The following TRHDE variants were observed in gnomAD, a reference collection of about 807,000 sequenced individuals.
TRHDE encodes thyrotropin-releasing hormone-degrading ectoenzyme.
In TRHDE, 72 loss-of-function variants were observed where a neutral mutation model predicts 125.7. The ratio of observed to expected loss-of-function variants is 0.57; its 90% CI spans 0.47 to 0.70. The LOEUF (loss-of-function observed/expected upper bound fraction) is 0.70. Among genes scored for constraint, TRHDE ranks in the 30% least tolerant of loss-of-function variants. The pLI is 0.00. For synonymous variants in TRHDE, 509 were observed against 509.1 expected (o/e 1.00, Z 0.00); for missense variants, 1,110 against 1,327.1 (o/e 0.84, Z 2.54).
At chr12:72,174,855 G>A (rs1469077186) in intron 2 of TRHDE, among the ~76,000 whole-genome samples, 1 of 152,110 alleles carries the variant, frequency 6.6e-6, no homozygotes, top group Non-Finnish European at 1.5e-5. Flanking sequence ...TAATATTACT[G>A]TATTTCCTTT....
At chr12:72,344,802 C>G (rs1340513535) in intron 2 of TRHDE, among the ~76,000 whole-genome samples, 1 of 152,016 alleles carries the variant, frequency 6.6e-6, no homozygotes, top group Non-Finnish European at 1.5e-5. Flanking sequence ...CCTGCCTGGT[C>G]AAGCATCATG....
chr12:72,552,375 G>A (rs772609159), intron 7 of TRHDE, among the ~76,000 whole-genome samples: 1 of 152,110 alleles, frequency 6.6e-6, no homozygotes. Context: ...GGATAAATTC[G>A]GTGAAGAGAG....
At position 72,380,217 on chromosome 12, in the gene TRHDE, G is replaced by A. The variant is rs114727867; in HGVS notation, c.1315+2096G>A. The stretch of plus-strand genomic sequence containing the variant: ...TATAAGCATTTACTGAGTGCCTACC[G>A]TGGACATTTTTCTATGAGAAGCAGA... On this transcript the variant is annotated intron_variant, in intron 3 of 18. Transcript: ENST00000261180. Among the ~76,000 whole-genome samples, 486 of 152,200 alleles carry A rather than the reference G, an allele frequency of 3.2e-3. 1 individual carries two copies. Among genetic ancestry groups the A allele is most frequent in the African/African-American group, 0.011 (446 of 41,522 alleles).
intron 2 of TRHDE, among the ~76,000 whole-genome samples, chr12:72,358,709 A>G (rs1478879989): frequency 1.3e-5 from 2 of 151,676 alleles, no homozygotes; most frequent in African/African-American, 4.8e-5. Flanking sequence ...GGCTCAGCCA[A>G]GCCAAAAGAG....
intron 3 of TRHDE, among the ~76,000 whole-genome samples, chr12:72,453,826 A>G (rs187758473): frequency 1.7e-4 from 26 of 152,262 alleles, no homozygotes; most frequent in Middle Eastern, 3.4e-3. Context: ...AGCTCAGACC[A>G]CTGATTCAGA....
At chr12:72,489,079 C>G (rs1462207034) in intron 5 of TRHDE, among the ~76,000 whole-genome samples, 1 of 151,542 alleles carries the variant, frequency 6.6e-6, no homozygotes, top group Non-Finnish European at 1.5e-5. Context: ...CCTAACATTA[C>G]ACTTCAAGGA....
chr12:72,215,807 C>T (rs1206951320), intron 2 of TRHDE, among the ~76,000 whole-genome samples: 2 of 152,080 alleles, frequency 1.3e-5, no homozygotes, highest in Non-Finnish European at 2.9e-5. Flanking sequence ...GTGGTTGGCG[C>T]TCAGAAATGG....
rs1176757554 is a variant in TRHDE at position 72,664,965 on chromosome 12, CATG to C, written c.*1774_*1776del. On this transcript the variant is annotated 3_prime_UTR_variant, in exon 19 of 19. Coordinates refer to ENST00000261180, the MANE Select transcript of TRHDE (RefSeq NM_013381.3). ...AAATACATGAATTTTAAATATTTTA[CATG>C]ATGTGAATAGGCATGATAATACTTT... The C allele has an allele frequency of 6.6e-6, 1 of 151,964 alleles. No homozygotes were observed. Among genetic ancestry groups the C allele is most frequent in the Non-Finnish European group, 1.5e-5 (1 of 67,956 alleles). The allele number at this position is 151,964 out of a possible 1,614,324, so 9.4% of individuals were successfully genotyped here.
intron 15 of TRHDE, among the ~76,000 whole-genome samples, chr12:72,643,355 C>T (rs1294044192): frequency 6.6e-6 from 1 of 152,182 alleles, no homozygotes; most frequent in African/African-American, 2.4e-5. Flanking sequence ...AATGACATTT[C>T]ATCAAATTTG....
At chr12:72,353,407 T>C (rs1870674352) in intron 2 of TRHDE, among the ~76,000 whole-genome samples, 1 of 151,672 alleles carries the variant, frequency 6.6e-6, no homozygotes, top group South Asian at 2.1e-4. Context: ...GGGCAATTTA[T>C]AGAAGAGGCT....
rs199961148 is a variant in TRHDE, at chr12:72,273,279, C to T, written c.636C>T (p.Val212=). The change falls in exon 1 of 19, where the codon GTC becomes GTT. Residue 212 remains valine, a synonymous_variant. Transcript: ENST00000261180. The surrounding 1 kb of genome is among the most constrained non-coding windows in gnomAD (Gnocchi z 5.3). ...AGAACTTCACCTTCTCCGGGGAGGT[C>T]AACGTGGAGATCGCGTGCCGGAACG... The part of the protein sequence containing the change: ...FMENFTFSGE[V]NVEIACRNAT... 19 of 1,614,088 alleles carry T rather than the reference C, an allele frequency of 1.2e-5. No individual in the cohort carries two copies. The highest frequency in any genetic ancestry group is 3.3e-5 in the Admixed American group (2 of 60,020).
intron 3 of TRHDE, among the ~76,000 whole-genome samples, chr12:72,463,954 C>T (rs1876245907): frequency 6.6e-6 from 1 of 152,190 alleles, no homozygotes; most frequent in Admixed American, 6.5e-5. Flanking sequence ...TGTGAGGTTT[C>T]TCCCTGCATG....
At chr12:72,511,611 T>A (rs1480613890) in intron 6 of TRHDE, among the ~76,000 whole-genome samples, 1 of 152,150 alleles carries the variant, frequency 6.6e-6, no homozygotes, top group Non-Finnish European at 1.5e-5. Flanking sequence ...AGGAGATAGT[T>A]TTATTGATAT....
At chr12:72,515,461 CT>C in intron 6 of TRHDE, among the ~76,000 whole-genome samples, 1 of 151,844 alleles carries the variant, frequency 6.6e-6, no homozygotes. Context: ...TGTTCATGTC[CT>C]TTGCTCACTT....
At chr12:72,444,158 C>T (rs141245005) in intron 3 of TRHDE, among the ~76,000 whole-genome samples, 2 of 151,962 alleles carry the variant, frequency 1.3e-5, no homozygotes, top group African/African-American at 4.8e-5. Flanking sequence ...ATTTTTAGTG[C>T]ACCCATCTTT....
intron 2 of TRHDE, among the ~76,000 whole-genome samples, chr12:72,225,409 C>G (rs1878109679): frequency 6.6e-6 from 1 of 152,122 alleles, no homozygotes; most frequent in South Asian, 2.1e-4. Flanking sequence ...GCTTCTCACA[C>G]AGCATTAATT....
At chr12:72,235,094 T>C (rs974062902) in intron 2 of TRHDE, among the ~76,000 whole-genome samples, 1 of 152,132 alleles carries the variant, frequency 6.6e-6, no homozygotes, top group African/African-American at 2.4e-5. Flanking sequence ...CTTCAACATA[T>C]GGAACTCTTA....
chr12:72,380,761 TC>T (rs1872122421), intron 3 of TRHDE, among the ~76,000 whole-genome samples: 1 of 91,342 alleles, frequency 1.1e-5, no homozygotes, highest in African/African-American at 6.6e-5. Flanking sequence ...CTTCCTTCCT[TC>T]CTTGCTTCCT....
intron 2 of TRHDE, among the ~76,000 whole-genome samples, chr12:72,310,304 A>G (rs961090099): frequency 6.6e-6 from 1 of 152,360 alleles, no homozygotes; most frequent in East Asian, 1.9e-4. Context: ...TTGTATTATT[A>G]TAAGTCGGTA....
Sources: allele counts gnomAD v4.1 joint callset (sites outside exome capture counted in the v4.1 genomes callset), GRCh38; gene constraint gnomAD v4.1.1; non-coding constraint Gnocchi (gnomAD v3.1); transcripts MANE v1.5; gene names NCBI Gene and HGNC (gene_info 2026-07-23, HGNC 2026-07-21).